VPS28: variants seen among roughly 807,000 people sequenced by gnomAD.
VPS28 encodes the protein VPS28 subunit of ESCRT-I.
A neutral mutation model predicts 33.7 loss-of-function variants in VPS28; 29 were observed. The ratio of observed to expected loss-of-function variants is 0.86; its 90% CI spans 0.64 to 1.17. The LOEUF is 1.17. VPS28 is among the 50% of genes most tolerant of loss of function. The pLI is 0.00. For synonymous variants in VPS28, 164 were observed against 116.7 expected (o/e 1.40, Z -2.61); for missense variants, 247 against 312.2 (o/e 0.79, Z 1.57).
At chr8:144,427,489 GGA>G (rs1377447836) in intron 1 of VPS28, among the ~76,000 whole-genome samples, 1 of 152,084 alleles carries the variant, frequency 6.6e-6, no homozygotes, top group African/African-American at 2.4e-5. Context: ...GGGCTGCAGT[GGA>G]GTGTGGTTCA....
rs1554876186 is a variant in VPS28 at position 144,424,634 on chromosome 8, G to A, written c.402+84C>T. On this transcript the variant is annotated intron_variant, in intron 7 of 9. Transcript: ENST00000292510. ...CAAGTCAGAGTGCTGCTCAGCTCTGGAGGCCCAGGACCCTACGCTCGTGCC... is the reference window on the plus strand; with the variant it reads ...CAAGTCAGAGTGCTGCTCAGCTCTGAAGGCCCAGGACCCTACGCTCGTGCC... 4.2e-6 allele frequency: 6 copies of A among 1,420,318 alleles called. No homozygotes were observed. The Admixed American group carries it at 6.8e-5, about 16-fold the overall frequency. 88.0% of individuals were successfully genotyped at this position (1,420,318 alleles called of 1,614,324 possible). A position where few individuals can be genotyped will look rare whatever the true frequency, so the allele number is the denominator to read the frequency against.
In VPS28 at chr8:144,426,079, G is replaced by GGCTCTGT; in HGVS notation, c.67-23_67-17dup. On this transcript the variant is annotated splice_polypyrimidine_tract_variant and intron_variant, in intron 3 of 9. Coordinates refer to ENST00000292510, the MANE Select transcript of VPS28 (RefSeq NM_016208.4). ...ACTTCACTTCCTGCCGGAGAGAGCG[G>GGCTCTGT]GCTCTGTGGGCCAGTGCCAACAGGG... The GGCTCTGT allele has an allele frequency of 6.4e-7, 1 of 1,550,616 alleles. No homozygotes were observed. The highest frequency in any genetic ancestry group is 8.7e-7 in the Non-Finnish European group (1 of 1,144,778).
chr8:144,425,965 C>T (rs1251524825), intron 4 of VPS28, 61 bp downstream of exon 4: 1 of 1,469,528 alleles, frequency 6.8e-7, no homozygotes, highest in Non-Finnish European at 9.1e-7. Context: ...TCTGGAGGGG[C>T]TGCCCCAGGG....
rs752498443 is a variant in VPS28 at position 144,423,712 on chromosome 8, T to C, written c.*93A>G. The stretch of plus-strand genomic sequence containing the variant: ...CAGACAGGCAGCTGCAGACAGTGAG[T>C]TGTGTGGATGACCACGGCCTGTGTG... On this transcript the variant is annotated 3_prime_UTR_variant, in exon 10 of 10. Transcript: ENST00000292510. The C allele has an allele frequency of 8.9e-5, 134 of 1,497,574 alleles. No homozygotes were observed. The highest frequency in any genetic ancestry group is 1.2e-4 in the Non-Finnish European group (131 of 1,088,668). 92.8% of individuals were successfully genotyped at this position (1,497,574 alleles called of 1,614,324 possible). A position where few individuals can be genotyped will look rare whatever the true frequency, so the allele number is the denominator to read the frequency against.
rs947211894 is a variant in VPS28 at position 144,427,370 on chromosome 8, C to T, written c.-34-391G>A. 69 of 172,510 alleles carry T rather than the reference C, an allele frequency of 4.0e-4. 1 individual carries two copies. The highest frequency in any genetic ancestry group is 1.6e-3 in the African/African-American group (68 of 41,826). 10.7% of individuals were successfully genotyped at this position (172,510 alleles called of 1,614,324 possible). ...CCGTAAGTGCCAGGTCCTGGAGACC[C>T]AGGGCTCCATGAAGAGCTCTCCTAA... On this transcript the variant is annotated intron_variant, in intron 1 of 9. Transcript: ENST00000292510.
chr8:144,425,027 G>C lies in VPS28; in HGVS notation c.219C>G (p.Leu73=). 6.4e-7 allele frequency: 1 copy of C among 1,552,612 alleles called. No homozygotes were observed. ...PSEYTAACSR[L]LVQYKAAFRQ... ...TGAAGGCAGCTTTGTATTGGACCAG[G>C]AGCCGGGAGCAGGCTGCAGTGTACC... The change falls in exon 6 of 10, where the codon CTC becomes CTG. Residue 73 remains leucine (L), a synonymous_variant. Transcript: ENST00000292510.
At position 144,426,100 on chromosome 8, in the gene VPS28, CAG is replaced by C. The variant is rs782318145; in HGVS notation, c.67-39_67-38del. On this transcript the variant is annotated intron_variant, in intron 3 of 9. Coordinates refer to ENST00000292510, the MANE Select transcript of VPS28 (RefSeq NM_016208.4). ...AGCGGGCTCTGTGGGCCAGTGCCAACAGGGGCTGCAGGACCCTGGTGAGGCCA... is the reference window on the plus strand; with the variant it reads ...AGCGGGCTCTGTGGGCCAGTGCCAACGGGCTGCAGGACCCTGGTGAGGCCA... 1.7e-5 allele frequency: 27 copies of C among 1,561,728 alleles called. No homozygotes were observed. In the East Asian group the frequency reaches 3.8e-4, roughly 22 times the overall value.
chr8:144,424,298 G>A (rs1554876097), intron 7 of VPS28, 30 bp from the exon 8 acceptor site: 7 of 1,559,310 alleles, frequency 4.5e-6, no homozygotes, highest in East Asian at 2.3e-5. Flanking sequence ...TGAGGCTCGC[G>A]TGTCCACGGG....
intron 6 of VPS28, 26 bp downstream of exon 6, chr8:144,424,920 T>C (rs782527525): frequency 4.4e-6 from 7 of 1,602,342 alleles, no homozygotes; most frequent in Admixed American, 1.7e-5. Flanking sequence ...TCTCGCCCCA[T>C]GGGGGTGGAA....
chr8:144,424,553 G>A (rs886714366), intron 7 of VPS28, 165 bp downstream of exon 7: 18 of 861,788 alleles, frequency 2.1e-5, no homozygotes, highest in African/African-American at 5.1e-5. Flanking sequence ...GCCTGGGGGC[G>A]TCCCCGCATG....
At position 144,425,062 on chromosome 8, in the gene VPS28, G is replaced by A. The variant is rs369337448; in HGVS notation, c.195-11C>T. On this transcript the variant is annotated splice_polypyrimidine_tract_variant and intron_variant, in intron 5 of 9. Transcript: ENST00000292510. ...CAGGCTGCAGTGTACCTAGGGAGAG[G>A]TCAGCTGCTGCCCAAGCATGGGACC... 159 of 1,550,306 alleles carry A rather than the reference G, an allele frequency of 1.0e-4. No individual in the cohort carries two copies. The highest frequency in any genetic ancestry group is 1.3e-4 in the Non-Finnish European group (148 of 1,146,196).
chr8:144,425,916 A>T, intron 4 of VPS28, 110 bp downstream of exon 4: 1 of 1,487,906 alleles, frequency 6.7e-7, no homozygotes, highest in South Asian at 1.3e-5. Context: ...AGTTCCCCAG[A>T]CTGACCCTGC....
At chr8:144,426,819 A>G in intron 2 of VPS28, 90 bp downstream of exon 2, 3 of 1,456,016 alleles carry the variant, frequency 2.1e-6, no homozygotes, top group Non-Finnish European at 2.8e-6. Context: ...AGGGTCAGAT[A>G]CCTCCCCACC....
At chr8:144,424,404 C>G in intron 7 of VPS28, 136 bp from the exon 8 acceptor site, 1 of 1,206,528 alleles carries the variant, frequency 8.3e-7, no homozygotes. Flanking sequence ...ACCCTGCAGG[C>G]CTCCTGGGTG....
intron 5 of VPS28, chr8:144,425,430 T>G: frequency 1.7e-6 from 1 of 578,906 alleles, no homozygotes; most frequent in Non-Finnish European, 3.1e-6. Flanking sequence ...CTCGACCGTT[T>G]TTTAAGGTTG....
intron 1 of VPS28, chr8:144,427,291 C>G (rs981825413): frequency 1.1e-4 from 20 of 187,450 alleles, no homozygotes; most frequent in Non-Finnish European, 2.1e-4. Flanking sequence ...AGAGCAAGAC[C>G]CTGTCTCAAA....
chr8:144,423,927 G>A lies in VPS28; in HGVS notation c.549-5C>T, dbSNP rs531303076. ...ATGCCGCTCAGGGTCTGCAGCCTGG[G>A]AGTGCAGCACAGGGCATGTGGGGGC... On this transcript the variant is annotated splice_polypyrimidine_tract_variant and splice_region_variant and intron_variant, in intron 9 of 9. Transcript: ENST00000292510. 29 of 1,613,138 alleles carry A rather than the reference G, an allele frequency of 1.8e-5. No homozygotes were observed. The East Asian group carries it at 6.0e-4, about 33-fold the overall frequency.
intron 1 of VPS28, chr8:144,427,413 A>T (rs1822846726): frequency 6.4e-6 from 1 of 157,318 alleles, no homozygotes; most frequent in Non-Finnish European, 1.4e-5. Context: ...AATGGTGAAC[A>T]CACAGGGTGC....
rs1257554712 is a variant in VPS28, at chr8:144,426,207, G to T, written c.39C>A (p.Ala13=). 2 of 1,603,148 alleles carry T rather than the reference G, an allele frequency of 1.2e-6. No homozygotes were observed. Among genetic ancestry groups the T allele is most frequent in the Non-Finnish European group, 1.7e-6 (2 of 1,175,216 alleles). The part of the protein sequence containing the change: ...HGIPATPGIG[A]PGNKPELYEE... Reference sequence around the variant, plus strand: ...CATACAGCTCCGGCTTGTTCCCAGGGGCTGCAAGAGAAGGCAGAGAGCTGG... The same window carrying T: ...CATACAGCTCCGGCTTGTTCCCAGGTGCTGCAAGAGAAGGCAGAGAGCTGG... Residue 13 remains alanine (A), a splice_region_variant and synonymous_variant, in exon 3 of 10, where the codon GCC becomes GCA. Coordinates refer to ENST00000292510, the MANE Select transcript of VPS28 (RefSeq NM_016208.4).
Sources: gnomAD v4.1 joint callset for allele counts (sites outside exome capture counted in the v4.1 genomes callset) on GRCh38, gnomAD v4.1.1 for gene constraint, MANE v1.5 for transcripts, NCBI Gene and HGNC (gene_info 2026-07-23, HGNC 2026-07-21) for gene names.